BARD1: variants seen among roughly 807,000 people sequenced by gnomAD.
BARD1 encodes BRCA1 associated RING domain 1.
In BARD1, 73 loss-of-function variants were observed where a neutral mutation model predicts 77.0. That is an observed-to-expected ratio of 0.95 (90% confidence interval 0.79 to 1.15). The LOEUF (loss-of-function observed/expected upper bound fraction) is 1.15. Among genes scored for constraint, BARD1 ranks in the 50% most tolerant of loss-of-function variants. The pLI, the probability that BARD1 is intolerant of heterozygous loss-of-function variation, is 0.00. For missense variants in BARD1, 993 were observed against 938.8 expected (o/e 1.06, Z -0.75); for synonymous variants, 384 against 338.0 (o/e 1.14, Z -1.49).
At chr2:214,740,992 A>C (rs1867796) in intron 9 of BARD1, among the ~76,000 whole-genome samples, 58,440 of 151,868 alleles carry the variant, frequency 0.38, 11,682 homozygotes, top group East Asian at 0.56. Context: ...CCATTTAAAG[A>C]AGCCAACTTG....
intron 1 of BARD1, among the ~76,000 whole-genome samples, chr2:214,806,010 G>T (rs933070594): frequency 3.3e-5 from 5 of 152,132 alleles, no homozygotes; most frequent in Non-Finnish European, 5.9e-5. Context: ...TGTGCTTTCT[G>T]CCAGCCTCTC....
chr2:214,765,697 C>T lies in BARD1; in HGVS notation c.1568+1785G>A, dbSNP rs149216104. Among the ~76,000 whole-genome samples the T allele has an allele frequency of 4.7e-3, 711 of 152,158 alleles. 5 individuals carry two copies. The highest frequency in any genetic ancestry group is 0.016 in the African/African-American group (651 of 41,500). ...ATGGGAGGGTCATATCGGTTAGGTCCTTACAAAGAAATAGGTCCATGTATA... is the reference window on the plus strand; with the variant it reads ...ATGGGAGGGTCATATCGGTTAGGTCTTTACAAAGAAATAGGTCCATGTATA... On this transcript the variant is annotated intron_variant, in intron 6 of 10. Coordinates refer to ENST00000260947, the MANE Select transcript of BARD1 (RefSeq NM_000465.4).
intron 9 of BARD1, among the ~76,000 whole-genome samples, chr2:214,733,334 G>T (rs574629914): frequency 2.0e-5 from 3 of 152,140 alleles, no homozygotes; most frequent in Non-Finnish European, 4.4e-5. Context: ...GTCTAAAAAA[G>T]AAATTCATTT....
chr2:214,747,534 G>A (rs1200760202), intron 7 of BARD1, among the ~76,000 whole-genome samples: 1 of 151,478 alleles, frequency 6.6e-6, no homozygotes, highest in African/African-American at 2.4e-5. Context: ...CCATAAAAAA[G>A]GATGAGTTCA....
chr2:214,790,938 G>C (rs561600072), intron 3 of BARD1, among the ~76,000 whole-genome samples: 7 of 152,178 alleles, frequency 4.6e-5, no homozygotes, highest in African/African-American at 1.7e-4. Context: ...TATGTGGGGA[G>C]AGAAAGGTAG....
intron 5 of BARD1, among the ~76,000 whole-genome samples, chr2:214,767,863 G>T (rs1694289918): frequency 6.6e-6 from 1 of 152,086 alleles, no homozygotes; most frequent in South Asian, 2.1e-4. Flanking sequence ...CATAAAAAAA[G>T]AAAGGCTATT....
At chr2:214,735,876 T>C (rs545492968) in intron 9 of BARD1, among the ~76,000 whole-genome samples, 1 of 152,206 alleles carries the variant, frequency 6.6e-6, no homozygotes, top group Admixed American at 6.5e-5. Context: ...AATTGGGTCA[T>C]TAATGCAAAT....
At chr2:214,771,610 CCTAGCTACTCAGGAGG>C (rs1373211668) in intron 4 of BARD1, among the ~76,000 whole-genome samples, 1 of 151,774 alleles carries the variant, frequency 6.6e-6, no homozygotes, top group African/African-American at 2.4e-5. Flanking sequence ...CGCCTGTAAT[CCTAGCTACTCAGGAGG>C]CTGAGACAGG....
chr2:214,749,852 T>C (rs1430480319), intron 7 of BARD1, among the ~76,000 whole-genome samples: 1 of 151,992 alleles, frequency 6.6e-6, no homozygotes, highest in Non-Finnish European at 1.5e-5. Flanking sequence ...CTTTTCTCAT[T>C]TGTAAAGTGA....
At chr2:214,799,502 T>C (rs772861317) in intron 1 of BARD1, among the ~76,000 whole-genome samples, 2 of 152,172 alleles carry the variant, frequency 1.3e-5, no homozygotes, top group Non-Finnish European at 2.9e-5. Flanking sequence ...AACACCTAAA[T>C]ACATTTTTAT....
chr2:214,809,515 C>T lies in BARD1; in HGVS notation c.55G>A (p.Glu19Lys), dbSNP rs752514155. 1.3e-6 allele frequency: 2 copies of T among 1,597,248 alleles called. No homozygotes were observed. The highest frequency in any genetic ancestry group is 1.3e-5 in the African/African-American group (1 of 74,572). Residue 19 changes from glutamate (E) to lysine (K), a missense_variant, in exon 1 of 11, where the codon GAG becomes AAG. Glu to Lys is a moderately conservative substitution (Grantham distance 56). Transcript: ENST00000260947. ...NRQPRIRSGN[E>K]PRSAPAMEPD... ...TCCATGGCGGGCGCGGAACGAGGCT[C>T]GTTCCCGGAGCGGATCCTCGGCTGC...
intron 3 of BARD1, among the ~76,000 whole-genome samples, chr2:214,789,361 C>A (rs569460936): frequency 2.5e-4 from 38 of 151,094 alleles, no homozygotes; most frequent in Non-Finnish European, 5.0e-4. Flanking sequence ...AAGACCCTAT[C>A]ACCCTATCTC....
intron 3 of BARD1, 125 bp downstream of exon 3, chr2:214,792,172 A>T: frequency 1.1e-6 from 1 of 942,482 alleles, no homozygotes. Context: ...AAAAAAACCT[A>T]CAGATTTTAA....
intron 6 of BARD1, among the ~76,000 whole-genome samples, chr2:214,766,603 A>G (rs1694207029): frequency 7.2e-6 from 1 of 139,318 alleles, no homozygotes; most frequent in African/African-American, 2.7e-5. Flanking sequence ...ATCCATGGGG[A>G]ATTGGTTCCT....
chr2:214,791,522 C>T (rs897539607), intron 3 of BARD1, among the ~76,000 whole-genome samples: 2 of 152,128 alleles, frequency 1.3e-5, no homozygotes, highest in Non-Finnish European at 2.9e-5. Flanking sequence ...TATGAAGATA[C>T]AAAACATTTT....
In BARD1 at chr2:214,728,299, A is replaced by AAAGGC. The variant is rs1692170258; in HGVS notation, c.*372_*376dup. 4.1e-6 allele frequency: 1 copy of AAAGGC among 244,836 alleles called. No individual in the cohort carries two copies. Among genetic ancestry groups the AAAGGC allele is most frequent in the Admixed American group, 5.3e-5 (1 of 19,030 alleles). The allele number at this position is 244,836 out of a possible 1,614,324, so 15.2% of individuals were successfully genotyped here. A position where few individuals can be genotyped will look rare whatever the true frequency, so the allele number is the denominator to read the frequency against. ...TGTTTACTAAAAAAAAAAAAAAAAA[A>AAAGGC]AAGGCAAGTTTTTTCACTGGTGGCA... On this transcript the variant is annotated 3_prime_UTR_variant, in exon 11 of 11. Coordinates refer to ENST00000260947, the MANE Select transcript of BARD1 (RefSeq NM_000465.4).
chr2:214,809,672 C>T lies in BARD1; in HGVS notation c.-103G>A. 9 of 1,447,282 alleles carry T rather than the reference C, an allele frequency of 6.2e-6. No homozygotes were observed. The highest frequency in any genetic ancestry group is 6.2e-5 in the South Asian group (5 of 80,606). The allele number at this position is 1,447,282 out of a possible 1,614,324, so 89.7% of individuals were successfully genotyped here. A position where few individuals can be genotyped will look rare whatever the true frequency, so the allele number is the denominator to read the frequency against. ...CCAGCGACTCGAAACCGGCCAAGCT[C>T]TTCCCGCGTCTGGGACGGCGGGCCG... is the stretch of plus-strand genomic sequence containing the variant. On this transcript the variant is annotated 5_prime_UTR_variant, in exon 1 of 11. Transcript: ENST00000260947.
rs186347907 is a variant in BARD1, at chr2:214,797,006, T to A, written c.215+55A>T. The A allele has an allele frequency of 4.2e-5, 56 of 1,322,610 alleles. No homozygotes were observed. The Middle Eastern group carries it at 7.4e-4, about 18-fold the overall frequency. The allele number at this position is 1,322,610 out of a possible 1,614,324, so 81.9% of individuals were successfully genotyped here. ...ATTATTATCAACAAGATTACATGAT[T>A]GTTATCTAGTAAAAAATACAGTTGT... is the stretch of plus-strand genomic sequence containing the variant. On this transcript the variant is annotated intron_variant, in intron 2 of 10. Coordinates refer to ENST00000260947, the MANE Select transcript of BARD1 (RefSeq NM_000465.4).
At chr2:214,792,233 TGA>T in intron 3 of BARD1, 62 bp downstream of exon 3, 1 of 1,470,860 alleles carries the variant, frequency 6.8e-7, no homozygotes, top group South Asian at 1.2e-5. Flanking sequence ...ATATACTTTA[TGA>T]ATATGAATTC....
Sources: gnomAD v4.1 joint callset for allele counts (sites outside exome capture counted in the v4.1 genomes callset) on GRCh38, gnomAD v4.1.1 for gene constraint, MANE v1.5 for transcripts, NCBI Gene and HGNC (gene_info 2026-07-23, HGNC 2026-07-21) for gene names.